FOXP2: variants seen among roughly 807,000 people sequenced by gnomAD.
FOXP2 encodes the protein forkhead box protein P2.
FOXP2 carries 12 observed loss-of-function variants against 115.8 expected under a neutral mutation model. The ratio of observed to expected loss-of-function variants is 0.10; its 90% CI spans 0.07 to 0.17. The LOEUF is 0.17. Ranked by LOEUF, FOXP2 falls within the 10% of genes least tolerant of loss-of-function variation. The pLI is 1.00. For synonymous variants in FOXP2, 328 were observed against 297.7 expected (o/e 1.10, Z -1.05); for missense variants, 629 against 843.5 (o/e 0.75, Z 3.15).
chr7:114,572,503 T>C (rs1801357904), intron 3 of FOXP2, among the ~76,000 whole-genome samples: 1 of 151,858 alleles, frequency 6.6e-6, no homozygotes, highest in Non-Finnish European at 1.5e-5. Flanking sequence ...TCTCTGTATA[T>C]TTTAAAGGAA....
intron 2 of FOXP2, among the ~76,000 whole-genome samples, chr7:114,405,228 G>A (rs1399205758): frequency 6.6e-6 from 1 of 151,810 alleles, no homozygotes; most frequent in East Asian, 1.9e-4. Context: ...AAACAGATAT[G>A]TAATTTGAAC....
intron 3 of FOXP2, among the ~76,000 whole-genome samples, chr7:114,564,358 C>T (rs11771012): frequency 0.093 from 14,121 of 152,018 alleles, 698 homozygotes; most frequent in Middle Eastern, 0.16. Context: ...TTCAGCAATG[C>T]ATTTCTCTCT....
At chr7:114,087,277 G>A (rs1354897226), upstream of FOXP2, among the ~76,000 whole-genome samples, 1 of 152,148 alleles carries the variant, frequency 6.6e-6, no homozygotes, top group Non-Finnish European at 1.5e-5. Flanking sequence ...GAAACTCCTG[G>A]GCCCTACTGA....
chr7:114,404,001 C>T (rs1486096854), intron 2 of FOXP2, among the ~76,000 whole-genome samples: 3 of 152,108 alleles, frequency 2.0e-5, no homozygotes, highest in Non-Finnish European at 2.9e-5. Flanking sequence ...AGAAGGTGGA[C>T]ATTCATTTGC....
Position 114,565,124 on chromosome 7 carries a change from A to C in FOXP2, c.258+30418A>C, listed in dbSNP as rs1485221752. Among the ~76,000 whole-genome samples the C allele has an allele frequency of 2.7e-5, 4 of 147,866 alleles. No individual in the cohort carries two copies. In the East Asian group the frequency reaches 7.9e-4, roughly 29 times the overall value. ...AATTTTTTTTTTTTCTGAGAAGGCT[A>C]TTCTAGATTTTATCAGATTGCCAAA... On this transcript the variant is annotated intron_variant, in intron 3 of 16. Coordinates refer to ENST00000350908, the MANE Select transcript of FOXP2 (RefSeq NM_014491.4).
intron 2 of FOXP2, among the ~76,000 whole-genome samples, chr7:114,330,347 G>A (rs574017595): frequency 3.3e-5 from 5 of 151,712 alleles, no homozygotes; most frequent in East Asian, 1.9e-4. Flanking sequence ...GAAATATTAC[G>A]TGAGGCTGGG....
At chr7:114,087,687 C>T (rs907065686), upstream of FOXP2, 1 of 149,694 alleles carries the variant, frequency 6.7e-6, no homozygotes, top group African/African-American at 2.4e-5. Flanking sequence ...GCCACCCGCG[C>T]GTTTTCTGCG....
At chr7:114,480,546 C>A (rs1379367051) in intron 2 of FOXP2, among the ~76,000 whole-genome samples, 4 of 149,906 alleles carry the variant, frequency 2.7e-5, no homozygotes, top group Admixed American at 6.7e-5. Context: ...CACACATAGA[C>A]ACATGTATAT....
intron 1 of FOXP2, among the ~76,000 whole-genome samples, chr7:114,421,624 G>A (rs1793626317): frequency 6.6e-6 from 1 of 151,140 alleles, no homozygotes; most frequent in African/African-American, 2.4e-5. Context: ...TATGTCACTT[G>A]GTATAGTAAA....
chr7:114,511,336 C>G (rs2129261824), intron 2 of FOXP2, among the ~76,000 whole-genome samples: 1 of 152,124 alleles, frequency 6.6e-6, no homozygotes, highest in Non-Finnish European at 1.5e-5. Flanking sequence ...TACATGTATC[C>G]CAGAACTTAA....
intron 1 of FOXP2, among the ~76,000 whole-genome samples, chr7:114,259,242 C>T (rs1243706214): frequency 2.6e-5 from 4 of 152,086 alleles, no homozygotes; most frequent in African/African-American, 7.2e-5. Flanking sequence ...ACTCAAAATG[C>T]TTAATAAATA....
intron 1 of FOXP2, among the ~76,000 whole-genome samples, chr7:114,248,854 TATTATTTCAAATTTACA>T (rs1795358564): frequency 6.6e-6 from 1 of 152,208 alleles, no homozygotes. Context: ...CATTAATTAT[TATTATTTCAAATTTACA>T]ATGAGTAAAC....
At chr7:114,263,375 T>C (rs1408256578) in intron 1 of FOXP2, among the ~76,000 whole-genome samples, 1 of 151,574 alleles carries the variant, frequency 6.6e-6, no homozygotes, top group Non-Finnish European at 1.5e-5. Context: ...TTTCTTTCCT[T>C]CTTCCCCTCT....
chr7:114,342,877 C>T (rs1791250210), intron 2 of FOXP2, among the ~76,000 whole-genome samples: 1 of 151,342 alleles, frequency 6.6e-6, no homozygotes, highest in Non-Finnish European at 1.5e-5. Context: ...TCATATCAAA[C>T]CAATTTACTT....
intron 2 of FOXP2, among the ~76,000 whole-genome samples, chr7:114,488,540 A>G (rs750080375): frequency 1.3e-5 from 2 of 152,206 alleles, no homozygotes; most frequent in Admixed American, 6.5e-5. Context: ...GATTATAACA[A>G]TATACAACTC....
intron 2 of FOXP2, among the ~76,000 whole-genome samples, chr7:114,388,152 C>T (rs531148014): frequency 6.6e-6 from 1 of 152,238 alleles, no homozygotes; most frequent in South Asian, 2.1e-4. Flanking sequence ...ATATTTATTT[C>T]ACTTTAACTT....
chr7:114,235,653 C>T (rs1298693367), intron 1 of FOXP2, among the ~76,000 whole-genome samples: 1 of 152,068 alleles, frequency 6.6e-6, no homozygotes, highest in East Asian at 1.9e-4. Flanking sequence ...GTCATCTCTG[C>T]TCCTTACTGT....
chr7:114,367,418 G>T lies in FOXP2; in HGVS notation c.-10-59084G>T, dbSNP rs1791907820. On this transcript the variant is annotated intron_variant, in intron 2 of 17. Transcript: ENST00000634411. ...GCTTTTCAGTATATCCTCACCCAGGGATTGTCTACCATGGAGGAATCATTG... is the reference window on the plus strand; with the variant it reads ...GCTTTTCAGTATATCCTCACCCAGGTATTGTCTACCATGGAGGAATCATTG... 3.3e-5 allele frequency among the ~76,000 whole-genome samples: 5 copies of T among 152,062 alleles called. No individual in the cohort carries two copies. The South Asian group carries it at 1.0e-3, about 32-fold the overall frequency.
intron 1 of FOXP2, among the ~76,000 whole-genome samples, chr7:114,188,721 A>G (rs1199652996): frequency 6.6e-6 from 1 of 152,112 alleles, no homozygotes; most frequent in African/African-American, 2.4e-5. Flanking sequence ...ATGTTTGTTT[A>G]ATGTCTGTTC....
Sources: gnomAD v4.1 joint callset for allele counts (sites outside exome capture counted in the v4.1 genomes callset) on GRCh38, gnomAD v4.1.1 for gene constraint, MANE v1.5 for transcripts, NCBI Gene and HGNC (gene_info 2026-07-23, HGNC 2026-07-21) for gene names.